The following ZFPM2 variants were observed in gnomAD, a reference collection of about 807,000 sequenced individuals.
The protein encoded by ZFPM2 is zinc finger protein, FOG family member 2.
ZFPM2 carries 20 observed loss-of-function variants against 98.6 expected under a neutral mutation model. The observed-to-expected ratio is 0.20, with a 90% CI of 0.14 to 0.29. The LOEUF (loss-of-function observed/expected upper bound fraction) is 0.29. Ranked by LOEUF, ZFPM2 falls within the 10% of genes least tolerant of loss-of-function variation. The pLI is 1.00. For synonymous variants in ZFPM2, 518 were observed against 502.7 expected (o/e 1.03, Z -0.41); for missense variants, 1,310 against 1,388.6 (o/e 0.94, Z 0.90).
chr8:105,689,909 G>C (rs1319381836), intron 5 of ZFPM2, among the ~76,000 whole-genome samples: 3 of 152,160 alleles, frequency 2.0e-5, no homozygotes, highest in African/African-American at 7.2e-5. Flanking sequence ...GATACAGACT[G>C]AAAGAGAGAA....
At chr8:105,766,309 T>A (rs1263590275) in intron 5 of ZFPM2, among the ~76,000 whole-genome samples, 3 of 151,934 alleles carry the variant, frequency 2.0e-5, no homozygotes, top group African/African-American at 7.2e-5. Context: ...TACCTATAAT[T>A]ACATGTTATC....
intron 5 of ZFPM2, among the ~76,000 whole-genome samples, chr8:105,646,067 A>T (rs1253174586): frequency 1.3e-5 from 2 of 150,530 alleles, no homozygotes; most frequent in Admixed American, 6.6e-5. Flanking sequence ...AAAAAAAAAA[A>T]AGAAAGAAAG....
At chr8:105,495,088 G>A (rs2130447072) in intron 3 of ZFPM2, among the ~76,000 whole-genome samples, 1 of 152,266 alleles carries the variant, frequency 6.6e-6, no homozygotes, top group East Asian at 1.9e-4. Context: ...TGGCCCACAG[G>A]CTGTAGTTTG....
chr8:105,792,740 C>G (rs866058637), intron 6 of ZFPM2, among the ~76,000 whole-genome samples: 1 of 152,086 alleles, frequency 6.6e-6, no homozygotes, highest in Non-Finnish European at 1.5e-5. Context: ...GTAGGTCACT[C>G]ACGACTTGCT....
chr8:105,550,897 G>A (rs1814836822), intron 3 of ZFPM2, among the ~76,000 whole-genome samples: 1 of 152,150 alleles, frequency 6.6e-6, no homozygotes, highest in South Asian at 2.1e-4. Context: ...CTGCTTTTGG[G>A]TAAATGCTTC....
At chr8:105,507,370 T>A (rs1254320021) in intron 3 of ZFPM2, among the ~76,000 whole-genome samples, 5 of 152,212 alleles carry the variant, frequency 3.3e-5, no homozygotes, top group Non-Finnish European at 7.3e-5. Context: ...GAAGAAATTA[T>A]TATAGTTAGG....
At chr8:105,331,598 T>G (rs942131896) in intron 1 of ZFPM2, among the ~76,000 whole-genome samples, 5 of 151,722 alleles carry the variant, frequency 3.3e-5, no homozygotes, top group Non-Finnish European at 7.4e-5. Flanking sequence ...GAAAGAAACA[T>G]GATTACATTT....
chr8:105,550,251 G>A (rs189627368), intron 3 of ZFPM2, among the ~76,000 whole-genome samples: 306 of 152,108 alleles, frequency 2.0e-3, no homozygotes, highest in Non-Finnish European at 1.7e-3. Context: ...CGTCCTTCAG[G>A]CACTCACATT....
In ZFPM2 at chr8:105,803,632, G is replaced by T; in HGVS notation, c.*94G>T. 2 of 1,228,552 alleles carry T rather than the reference G, an allele frequency of 1.6e-6. No individual in the cohort carries two copies. The highest frequency in any genetic ancestry group is 1.2e-6 in the Non-Finnish European group (1 of 868,980). The allele number at this position is 1,228,552 out of a possible 1,614,324, so 76.1% of individuals were successfully genotyped here. ...AATAAGCTGTTTGAATTACATCTGG[G>T]CAATCAGGAGATAATTCATTATGGC... On this transcript the variant is annotated 3_prime_UTR_variant, in exon 8 of 8. Transcript: ENST00000407775.
chr8:105,746,555 T>C (rs1342600609), intron 5 of ZFPM2, among the ~76,000 whole-genome samples: 1 of 151,990 alleles, frequency 6.6e-6, no homozygotes, highest in Non-Finnish European at 1.5e-5. Context: ...GCTATAAATA[T>C]ACGTGACAAT....
chr8:105,623,979 A>G (rs1041925425), intron 4 of ZFPM2, among the ~76,000 whole-genome samples: 3 of 152,186 alleles, frequency 2.0e-5, no homozygotes, highest in Non-Finnish European at 4.4e-5. Flanking sequence ...GAGCTTTCCT[A>G]TATATTTTCT....
At chr8:105,717,966 C>A (rs754272236) in intron 5 of ZFPM2, among the ~76,000 whole-genome samples, 1 of 151,662 alleles carries the variant, frequency 6.6e-6, no homozygotes, top group African/African-American at 2.4e-5. Flanking sequence ...ACTCCTGGCT[C>A]CTACTACCGA....
chr8:105,456,914 A>G (rs1405606760), intron 3 of ZFPM2, among the ~76,000 whole-genome samples: 4 of 152,120 alleles, frequency 2.6e-5, no homozygotes, highest in African/African-American at 7.2e-5. Flanking sequence ...GGGCCTCCCA[A>G]AGTGCTGGGA....
rs1349782332 is a variant in ZFPM2, at chr8:105,716,264, A to G, written c.533-72454A>G. Among the ~76,000 whole-genome samples, 8 of 150,940 alleles carry G rather than the reference A, an allele frequency of 5.3e-5. No individual in the cohort carries two copies. The East Asian group carries it at 1.6e-3, about 29-fold the overall frequency. ...ATTTTATCCATATAAAATTTTATCC[A>G]TATAAAATATAGATAAAATCAGTAC... On this transcript the variant is annotated intron_variant, in intron 5 of 7. Transcript: ENST00000407775.
chr8:105,518,683 G>A (rs935634079), intron 3 of ZFPM2, among the ~76,000 whole-genome samples: 13 of 152,164 alleles, frequency 8.5e-5, no homozygotes, highest in African/African-American at 3.1e-4. Context: ...TTGTTATGAA[G>A]GAAAATATGA....
chr8:105,645,796 G>A (rs535317035), intron 5 of ZFPM2, among the ~76,000 whole-genome samples: 134 of 152,274 alleles, frequency 8.8e-4, no homozygotes, highest in Admixed American at 8.8e-3. Context: ...GCTTATGCCT[G>A]TAATCCCAGC....
intron 1 of ZFPM2, among the ~76,000 whole-genome samples, chr8:105,365,912 G>C (rs1410613334): frequency 2.6e-5 from 4 of 152,054 alleles, no homozygotes; most frequent in African/African-American, 9.7e-5. Flanking sequence ...GTGCAATTCA[G>C]AATCCTCAGT....
At chr8:105,561,557 T>TGA in intron 4 of ZFPM2, 76 bp downstream of exon 4, 1 of 1,162,700 alleles carries the variant, frequency 8.6e-7, no homozygotes, top group Non-Finnish European at 1.2e-6. Context: ...AAATTCTCTC[T>TGA]GCTTGCTTTC....
At chr8:105,496,636 C>T (rs1302749892) in intron 3 of ZFPM2, among the ~76,000 whole-genome samples, 1 of 151,140 alleles carries the variant, frequency 6.6e-6, no homozygotes, top group Non-Finnish European at 1.5e-5. Flanking sequence ...AAGGTGATCT[C>T]ACTGCTGTTG....
Sources: allele counts gnomAD v4.1 joint callset (sites outside exome capture counted in the v4.1 genomes callset), GRCh38; gene constraint gnomAD v4.1.1; transcripts MANE v1.5; gene names NCBI Gene and HGNC (gene_info 2026-07-23, HGNC 2026-07-21).